The following HDAC9 variants were observed in gnomAD, a reference collection of about 807,000 sequenced individuals.
HDAC9 encodes MEF-2 interacting transcription repressor (MITR) protein.
Under a neutral mutation model 139.4 loss-of-function variants are expected in HDAC9, and 41 were observed. That is an observed-to-expected ratio of 0.29 (90% CI 0.23 to 0.38). The LOEUF is 0.38. HDAC9 is among the 10% of genes least tolerant of loss of function. The probability of loss-of-function intolerance (pLI) is 1.00; values close to 1 mark genes in which losing one functional copy is unlikely to be tolerated. For synonymous variants in HDAC9, 517 were observed against 476.2 expected (o/e 1.09, Z -1.12); for missense variants, 1,147 against 1,297.0 (o/e 0.88, Z 1.78).
chr7:18,339,470 T>C (rs1339182815), intron 1 of HDAC9, among the ~76,000 whole-genome samples: 1 of 151,454 alleles, frequency 6.6e-6, no homozygotes, highest in African/African-American at 2.4e-5. Flanking sequence ...TCATTTTCAT[T>C]GTTTAAAATA....
chr7:18,926,864 A>G (rs996907436), intron 22 of HDAC9, among the ~76,000 whole-genome samples: 5 of 152,200 alleles, frequency 3.3e-5, no homozygotes, highest in African/African-American at 7.2e-5. Flanking sequence ...CTAGAAGAGT[A>G]AAAGGATTTT....
At chr7:18,797,265 C>G (rs1792881616) in intron 17 of HDAC9, among the ~76,000 whole-genome samples, 1 of 152,084 alleles carries the variant, frequency 6.6e-6, no homozygotes, top group South Asian at 2.1e-4. Flanking sequence ...CATTCTTTTA[C>G]AGATAGCACA....
At chr7:18,623,137 C>T (rs1268026606) in intron 6 of HDAC9, among the ~76,000 whole-genome samples, 1 of 121,940 alleles carries the variant, frequency 8.2e-6, no homozygotes, top group Non-Finnish European at 1.8e-5. Context: ...GAGTGAGACC[C>T]GGTCTCTGGA....
intron 1 of HDAC9, among the ~76,000 whole-genome samples, chr7:18,152,552 A>T (rs1786857630): frequency 6.6e-6 from 1 of 152,184 alleles, no homozygotes; most frequent in African/African-American, 2.4e-5. Context: ...AAAGATTCTG[A>T]TTCAGAAGGT....
intron 17 of HDAC9, among the ~76,000 whole-genome samples, chr7:18,824,828 G>A (rs2129202320): frequency 6.6e-6 from 1 of 152,250 alleles, no homozygotes; most frequent in South Asian, 2.1e-4. Context: ...ATAATTACTG[G>A]AGGAGTAATT....
chr7:18,411,776 G>T (rs1788575150), intron 1 of HDAC9, among the ~76,000 whole-genome samples: 1 of 136,552 alleles, frequency 7.3e-6, no homozygotes. Context: ...AAGCTATGAT[G>T]TTCACAGTAG....
chr7:18,686,092 G>T (rs1782247790), intron 12 of HDAC9, among the ~76,000 whole-genome samples: 1 of 151,900 alleles, frequency 6.6e-6, no homozygotes, highest in South Asian at 2.1e-4. Context: ...TTCCATCCCT[G>T]ATCCATATCC....
At chr7:18,468,929 G>A (rs934441429) in intron 1 of HDAC9, among the ~76,000 whole-genome samples, 2 of 152,162 alleles carry the variant, frequency 1.3e-5, no homozygotes, top group Non-Finnish European at 1.5e-5. Flanking sequence ...TGTATTGTCA[G>A]CCTTGAGTTT....
At chr7:18,615,677 T>C (rs992383922) in intron 6 of HDAC9, among the ~76,000 whole-genome samples, 2 of 152,224 alleles carry the variant, frequency 1.3e-5, no homozygotes, top group African/African-American at 2.4e-5. Context: ...TCATTAATAC[T>C]ACTCTTTAAT....
chr7:18,131,583 A>G (rs1785014425), intron 1 of HDAC9, among the ~76,000 whole-genome samples: 1 of 152,192 alleles, frequency 6.6e-6, no homozygotes. Flanking sequence ...ATCTTCTGAA[A>G]TAAATTGTAG....
chr7:18,858,312 T>A (rs1430032417), intron 21 of HDAC9, among the ~76,000 whole-genome samples: 1 of 152,174 alleles, frequency 6.6e-6, no homozygotes, highest in Non-Finnish European at 1.5e-5. Flanking sequence ...CGTGGCTGCA[T>A]GTTCTGCATG....
At chr7:18,792,252 A>G (rs868633650) in intron 16 of HDAC9, among the ~76,000 whole-genome samples, 5 of 141,712 alleles carry the variant, frequency 3.5e-5, no homozygotes, top group Middle Eastern at 3.6e-3. Context: ...CTTGCATTTA[A>G]TTCTCTTTTT....
intron 1 of HDAC9, among the ~76,000 whole-genome samples, chr7:18,090,830 C>T (rs541233102): frequency 2.0e-5 from 3 of 151,990 alleles, no homozygotes; most frequent in Non-Finnish European, 4.4e-5. Context: ...ATGTAGATCT[C>T]ATATCTGAAT....
At chr7:18,765,507 C>G (rs536675870) in intron 15 of HDAC9, among the ~76,000 whole-genome samples, 18 of 152,092 alleles carry the variant, frequency 1.2e-4, no homozygotes, top group African/African-American at 4.3e-4. Flanking sequence ...GTAGTCCCAA[C>G]TGACGGGAGG....
intron 22 of HDAC9, among the ~76,000 whole-genome samples, chr7:18,913,189 G>T (rs1020272921): frequency 6.6e-6 from 1 of 152,012 alleles, no homozygotes; most frequent in Admixed American, 6.6e-5. Flanking sequence ...ACTTTCTCCA[G>T]TTCTTATCCA....
At chr7:18,647,714 C>G (rs1787889558) in intron 9 of HDAC9, 71 bp from the exon 10 acceptor site, 1 of 1,298,420 alleles carries the variant, frequency 7.7e-7, no homozygotes. Context: ...GGAAACTTGT[C>G]TAATGATTTA....
intron 2 of HDAC9, among the ~76,000 whole-genome samples, chr7:18,234,633 C>G (rs1793693959): frequency 6.6e-6 from 1 of 152,168 alleles, no homozygotes; most frequent in Non-Finnish European, 1.5e-5. Context: ...TGGTGAGAAA[C>G]CAAGTCTGTG....
At chr7:18,847,751 C>T (rs1797007045) in intron 21 of HDAC9, among the ~76,000 whole-genome samples, 2 of 152,210 alleles carry the variant, frequency 1.3e-5, no homozygotes, top group South Asian at 2.1e-4. Context: ...CTGGCCGCTG[C>T]TCTGCCTTTG....
intron 3 of HDAC9, among the ~76,000 whole-genome samples, chr7:18,589,111 G>A (rs975280806): frequency 3.9e-5 from 6 of 152,208 alleles, no homozygotes; most frequent in Admixed American, 2.0e-4. Context: ...ATCTACTAAT[G>A]TCAGAACCTA....
Sources: allele counts gnomAD v4.1 joint callset (sites outside exome capture counted in the v4.1 genomes callset), GRCh38; gene constraint gnomAD v4.1.1; transcripts MANE v1.5; gene names NCBI Gene and HGNC (gene_info 2026-07-23, HGNC 2026-07-21).